VIT: variants seen among roughly 807,000 people sequenced by gnomAD.
VIT encodes vitrin.
In VIT, 99 loss-of-function variants were observed where a neutral mutation model predicts 78.0. That is an observed-to-expected ratio of 1.27 (90% CI 1.08 to 1.50). The LOEUF (loss-of-function observed/expected upper bound fraction) is 1.50, where lower values mean the gene tolerates loss of function less well. Among genes scored for constraint, VIT ranks in the 40% most tolerant of loss-of-function variants. The pLI is 0.00. For synonymous variants in VIT, 374 were observed against 334.3 expected, an observed-to-expected ratio of 1.12 and a Z score of -1.29; for missense variants, 1,126 against 875.3, an observed-to-expected ratio of 1.29 and a Z score of -3.61.
intron 1 of VIT, among the ~76,000 whole-genome samples, chr2:36,708,543 C>T (rs1184682077): frequency 6.6e-6 from 1 of 152,084 alleles, no homozygotes; most frequent in Non-Finnish European, 1.5e-5. Flanking sequence ...CTCCCTGTTG[C>T]CTAAAGGATC....
chr2:36,726,982 A>G lies in VIT; in HGVS notation c.53-2444A>G, dbSNP rs539442114. ...GAAAAGGAACCAGACTTTAAATTAGAAAGGATACAGAATTCTCCCTTCTTC... is the reference window on the plus strand; with the variant it reads ...GAAAAGGAACCAGACTTTAAATTAGGAAGGATACAGAATTCTCCCTTCTTC... On this transcript the variant is annotated intron_variant, in intron 2 of 15. Transcript: ENST00000379242. Among the ~76,000 whole-genome samples the G allele has an allele frequency of 2.0e-5, 3 of 152,198 alleles. No homozygotes were observed. The South Asian group carries it at 6.2e-4, about 32-fold the overall frequency.
intron 3 of VIT, among the ~76,000 whole-genome samples, chr2:36,736,794 G>A (rs1667534613): frequency 6.6e-6 from 1 of 152,230 alleles, no homozygotes; most frequent in Non-Finnish European, 1.5e-5. Context: ...GTCAAGTACT[G>A]ATGCTCCTTG....
chr2:36,731,103 T>C (rs1210330848), intron 3 of VIT, among the ~76,000 whole-genome samples: 1 of 151,866 alleles, frequency 6.6e-6, no homozygotes, highest in Non-Finnish European at 1.5e-5. Context: ...GTCTTCTGCT[T>C]GGAGGTGGGG....
At chr2:36,795,298 G>C (rs1352057809) in intron 12 of VIT, among the ~76,000 whole-genome samples, 1 of 151,896 alleles carries the variant, frequency 6.6e-6, no homozygotes, top group African/African-American at 2.4e-5. Flanking sequence ...GGAGTCACCT[G>C]ATGCACATCT....
Position 36,760,723 on chromosome 2 carries a change from C to T in VIT, c.487+1677C>T, listed in dbSNP as rs532634931. 1.7e-4 allele frequency among the ~76,000 whole-genome samples: 26 copies of T among 152,236 alleles called. No homozygotes were observed. In the South Asian group the frequency reaches 5.4e-3, roughly 32 times the overall value. ...GCAAGGAGACAGTGTTTAGTTTCAT[C>T]CTGGCACCCTCTTGTTGGGCCAGAA... On this transcript the variant is annotated intron_variant, in intron 6 of 15. Coordinates refer to ENST00000379242, the MANE Select transcript of VIT (RefSeq NM_053276.4).
intron 4 of VIT, among the ~76,000 whole-genome samples, chr2:36,754,377 T>C (rs1339773248): frequency 1.3e-5 from 2 of 152,198 alleles, no homozygotes; most frequent in Non-Finnish European, 2.9e-5. Flanking sequence ...CATATGTCAG[T>C]CACCGTCCCA....
chr2:36,748,725 C>T (rs1289805995), intron 4 of VIT, among the ~76,000 whole-genome samples: 3 of 152,214 alleles, frequency 2.0e-5, no homozygotes, highest in African/African-American at 7.2e-5. Flanking sequence ...CTAACATCTT[C>T]GTCAGGTCCT....
intron 12 of VIT, among the ~76,000 whole-genome samples, chr2:36,790,854 C>G (rs34302660): frequency 0.011 from 1,617 of 152,212 alleles, 7 homozygotes; most frequent in Middle Eastern, 0.02. Flanking sequence ...ATTATACAAC[C>G]AAAAGGCTTA....
intron 11 of VIT, 67 bp from the exon 12 acceptor site, chr2:36,787,062 C>A (rs1463412426): frequency 1.1e-5 from 18 of 1,585,174 alleles, no homozygotes; most frequent in Non-Finnish European, 1.5e-5. Context: ...GAAAGAGGAA[C>A]AAGAGGATGC....
chr2:36,739,101 G>A (rs1268539485), intron 3 of VIT, among the ~76,000 whole-genome samples: 1 of 152,040 alleles, frequency 6.6e-6, no homozygotes, highest in South Asian at 2.1e-4. Context: ...GAATATCACA[G>A]TGCAACAAAA....
At chr2:36,746,230 G>A (rs1227029892) in intron 4 of VIT, among the ~76,000 whole-genome samples, 2 of 152,040 alleles carry the variant, frequency 1.3e-5, no homozygotes. Context: ...GAGGATTTTT[G>A]CATCTATGTT....
chr2:36,804,446 T>G (rs1310417689), intron 13 of VIT, among the ~76,000 whole-genome samples: 2 of 152,116 alleles, frequency 1.3e-5, no homozygotes, highest in Non-Finnish European at 2.9e-5. Flanking sequence ...TCACTCCAGG[T>G]CAACTCCTCC....
chr2:36,786,369 T>G (rs922439504), intron 11 of VIT, among the ~76,000 whole-genome samples: 1 of 152,212 alleles, frequency 6.6e-6, no homozygotes, highest in African/African-American at 2.4e-5. Flanking sequence ...CTAATTTCCA[T>G]TAGCCTGTGT....
chr2:36,760,081 G>C (rs1415730622), intron 6 of VIT, among the ~76,000 whole-genome samples: 1 of 150,192 alleles, frequency 6.7e-6, no homozygotes, highest in Non-Finnish European at 1.5e-5. Flanking sequence ...TACAACCTCT[G>C]CCTCCCAGGT....
chr2:36,737,406 G>A (rs1410934940), intron 3 of VIT, among the ~76,000 whole-genome samples: 1 of 152,184 alleles, frequency 6.6e-6, no homozygotes, highest in Admixed American at 6.5e-5. Context: ...AGTTTTCTAA[G>A]CAGGAAATTT....
intron 7 of VIT, among the ~76,000 whole-genome samples, chr2:36,771,470 G>A (rs1014499826): frequency 1.3e-5 from 2 of 150,242 alleles, no homozygotes; most frequent in African/African-American, 4.9e-5. Context: ...GAGTTGCAGT[G>A]AGCCGAGGTC....
intron 4 of VIT, among the ~76,000 whole-genome samples, chr2:36,753,094 AC>A (rs1668559553): frequency 6.6e-6 from 1 of 152,132 alleles, no homozygotes; most frequent in African/African-American, 2.4e-5. Flanking sequence ...TCCTCAGCAA[AC>A]TAACACAAGA....
At chr2:36,766,148 C>A (rs912278210) in intron 6 of VIT, among the ~76,000 whole-genome samples, 8 of 152,218 alleles carry the variant, frequency 5.3e-5, no homozygotes, top group African/African-American at 1.9e-4. Context: ...CAAACTGAGA[C>A]TTGCTTTATA....
chr2:36,743,679 T>G (rs1667970977), intron 4 of VIT, among the ~76,000 whole-genome samples: 1 of 152,224 alleles, frequency 6.6e-6, no homozygotes, highest in Non-Finnish European at 1.5e-5. Context: ...TCATCAAATT[T>G]GGGGATTTTA....
Sources: gnomAD v4.1 joint callset for allele counts (sites outside exome capture counted in the v4.1 genomes callset) on GRCh38, gnomAD v4.1.1 for gene constraint, MANE v1.5 for transcripts, NCBI Gene and HGNC (gene_info 2026-07-23, HGNC 2026-07-21) for gene names.